The following ELOVL6 variants were observed in gnomAD, a reference collection of about 807,000 sequenced individuals.
ELOVL6 encodes the protein ELOVL fatty acid elongase 6.
In ELOVL6, 8 loss-of-function variants were observed where a neutral mutation model predicts 31.7. That is an observed-to-expected ratio of 0.25 (90% CI 0.15 to 0.45). The LOEUF (loss-of-function observed/expected upper bound fraction) is 0.45. Ranked by LOEUF, ELOVL6 falls within the 20% of genes least tolerant of loss-of-function variation. The probability of loss-of-function intolerance (pLI) is 1.00; values close to 1 mark genes in which losing one functional copy is unlikely to be tolerated. For synonymous variants in ELOVL6, 101 were observed against 117.7 expected, an observed-to-expected ratio of 0.86 and a Z score of 0.92; for missense variants, 126 against 326.4, an observed-to-expected ratio of 0.39 and a Z score of 4.73.
chr4:110,083,135 T>G (rs1755930458), intron 2 of ELOVL6, among the ~76,000 whole-genome samples: 1 of 151,790 alleles, frequency 6.6e-6, no homozygotes, highest in South Asian at 2.1e-4. Context: ...ATCAAGTGAT[T>G]AAGAAAAAGA....
chr4:110,144,011 G>A (rs553939802), intron 1 of ELOVL6, among the ~76,000 whole-genome samples: 14 of 138,844 alleles, frequency 1.0e-4, no homozygotes, highest in East Asian at 2.1e-4. Context: ...CCGAGATTGC[G>A]CCATTGCACT....
intron 2 of ELOVL6, chr4:110,093,054 C>T (rs1756470134): frequency 2.3e-6 from 1 of 434,118 alleles, no homozygotes; most frequent in Middle Eastern, 3.4e-4. Flanking sequence ...CTATGGTATT[C>T]CAGCTATTTA....
At chr4:110,061,300 T>G (rs1755129816) in intron 2 of ELOVL6, among the ~76,000 whole-genome samples, 1 of 152,152 alleles carries the variant, frequency 6.6e-6, no homozygotes, top group Non-Finnish European at 1.5e-5. Flanking sequence ...ACTCCAGAAC[T>G]TTCAGACACT....
chr4:110,047,715 C>A lies in ELOVL6; in HGVS notation c.*3623G>T, dbSNP rs1754729392. ...GACCAGCCTGGCCAACATGGTGAAA[C>A]CCTGTCTCTACTAAAAATACAAAAA... On this transcript the variant is annotated 3_prime_UTR_variant, in exon 4 of 4. Coordinates refer to ENST00000302274, the MANE Select transcript of ELOVL6 (RefSeq NM_024090.3). 1 of 152,082 alleles carries A rather than the reference C, an allele frequency of 6.6e-6. No homozygotes were observed. Among genetic ancestry groups the A allele is most frequent in the Non-Finnish European group, 1.5e-5 (1 of 68,052 alleles). 9.4% of individuals were successfully genotyped at this position (152,082 alleles called of 1,614,324 possible).
chr4:110,146,027 G>C (rs969941350), intron 1 of ELOVL6, among the ~76,000 whole-genome samples: 2 of 152,034 alleles, frequency 1.3e-5, no homozygotes, highest in Non-Finnish European at 2.9e-5. Flanking sequence ...AACCAAAAAA[G>C]AATCCAAATA....
chr4:110,088,588 T>A (rs1276535430), intron 2 of ELOVL6, among the ~76,000 whole-genome samples: 1 of 152,200 alleles, frequency 6.6e-6, no homozygotes, highest in Non-Finnish European at 1.5e-5. Context: ...CCTTAACATA[T>A]AGTATTTTTT....
intron 2 of ELOVL6, among the ~76,000 whole-genome samples, chr4:110,080,912 A>G (rs1245237259): frequency 2.6e-5 from 4 of 152,152 alleles, no homozygotes; most frequent in Non-Finnish European, 5.9e-5. Flanking sequence ...TACAAAATCA[A>G]TGTGCAAAAA....
rs1560815844 is a variant in ELOVL6 at position 110,084,570 on chromosome 4, A to ATT, written c.221+20926_221+20927insAA. 9.4e-3 allele frequency among the ~76,000 whole-genome samples: 389 copies of ATT among 41,224 alleles called. 11 individuals carry two copies. Among genetic ancestry groups the ATT allele is most frequent in the African/African-American group, 0.061 (315 of 5,136 alleles). The allele number at this position is 41,224 out of a possible 152,430, so 27.0% of individuals were successfully genotyped here. A position where few individuals can be genotyped will look rare whatever the true frequency, so the allele number is the denominator to read the frequency against. ...CACACACACACACACACAGATATATATATATATATATATATATATTTTTTT... is the reference window on the plus strand; with the variant it reads ...CACACACACACACACACAGATATATATTTATATATATATATATATATTTTTTT... On this transcript the variant is annotated intron_variant, in intron 2 of 3. Coordinates refer to ENST00000302274, the MANE Select transcript of ELOVL6 (RefSeq NM_024090.3).
At chr4:110,080,839 A>G (rs1436623232) in intron 2 of ELOVL6, among the ~76,000 whole-genome samples, 1 of 152,074 alleles carries the variant, frequency 6.6e-6, no homozygotes. Flanking sequence ...ATATCTAGAA[A>G]ACCCCATCAT....
intron 1 of ELOVL6, among the ~76,000 whole-genome samples, chr4:110,181,633 G>A (rs1759278006): frequency 6.6e-6 from 1 of 152,068 alleles, no homozygotes; most frequent in Non-Finnish European, 1.5e-5. Flanking sequence ...GTAAAACAAG[G>A]AGGAGAGGAG....
intron 1 of ELOVL6, among the ~76,000 whole-genome samples, chr4:110,155,474 T>C (rs1758389233): frequency 6.6e-6 from 1 of 151,932 alleles, no homozygotes; most frequent in South Asian, 2.1e-4. Context: ...CTTAAATAGG[T>C]TGTATTACAA....
intron 1 of ELOVL6, among the ~76,000 whole-genome samples, chr4:110,165,293 T>C (rs961474892): frequency 1.3e-5 from 2 of 152,202 alleles, no homozygotes; most frequent in Admixed American, 6.5e-5. Context: ...TAGTTAAGTA[T>C]CGACAATTTA....
chr4:110,056,125 G>GGGT (rs958078772), intron 3 of ELOVL6, among the ~76,000 whole-genome samples: 5 of 141,964 alleles, frequency 3.5e-5, no homozygotes, highest in African/African-American at 1.1e-4. Flanking sequence ...TGGGAGCTGG[G>GGGT]GGGGGGGATA....
At chr4:110,094,432 T>C (rs1343181032) in intron 2 of ELOVL6, among the ~76,000 whole-genome samples, 1 of 58,462 alleles carries the variant, frequency 1.7e-5, no homozygotes, top group African/African-American at 8.5e-5. Context: ...TATATATATA[T>C]ATATATATAT....
intron 1 of ELOVL6, among the ~76,000 whole-genome samples, chr4:110,197,610 C>CT (rs1759847346): frequency 6.6e-6 from 1 of 152,132 alleles, no homozygotes; most frequent in Non-Finnish European, 1.5e-5. Context: ...CCCCTCCTCC[C>CT]TCCCACCCGG....
intron 1 of ELOVL6, among the ~76,000 whole-genome samples, chr4:110,152,127 G>A (rs1476976932): frequency 6.6e-6 from 1 of 152,074 alleles, no homozygotes; most frequent in Non-Finnish European, 1.5e-5. Flanking sequence ...TTGGCTCTTG[G>A]CCCTCCCATA....
intron 1 of ELOVL6, among the ~76,000 whole-genome samples, chr4:110,165,165 G>C (rs1758739711): frequency 6.6e-6 from 1 of 152,204 alleles, no homozygotes; most frequent in South Asian, 2.1e-4. Context: ...TAGCAAAACA[G>C]ACCATTTGCT....
chr4:110,180,677 G>A (rs974629706), intron 1 of ELOVL6, among the ~76,000 whole-genome samples: 3 of 152,152 alleles, frequency 2.0e-5, no homozygotes, highest in Admixed American at 1.3e-4. Flanking sequence ...CTCCCAAAGT[G>A]CTGGGATTAC....
intron 1 of ELOVL6, among the ~76,000 whole-genome samples, chr4:110,195,591 G>T (rs1578295951): frequency 6.6e-6 from 1 of 152,226 alleles, no homozygotes; most frequent in African/African-American, 2.4e-5. Flanking sequence ...TTGCAAGGGA[G>T]GGGTAACAGC....
Sources: gnomAD v4.1 joint callset for allele counts (sites outside exome capture counted in the v4.1 genomes callset) on GRCh38, gnomAD v4.1.1 for gene constraint, MANE v1.5 for transcripts, NCBI Gene and HGNC (gene_info 2026-07-23, HGNC 2026-07-21) for gene names.